Variants in CLDN16 observed in about 807,000 individuals in gnomAD.
The protein encoded by CLDN16 is claudin-16.
A neutral mutation model predicts 24.6 loss-of-function variants in CLDN16; 13 were observed. The ratio of observed to expected loss-of-function variants is 0.53; its 90% confidence interval spans 0.34 to 0.84. The LOEUF is 0.84. Ranked by LOEUF, CLDN16 falls within the 40% of genes least tolerant of loss-of-function variation. CLDN16 has a pLI of 0.01. For missense variants in CLDN16, 298 were observed against 292.7 expected, an observed-to-expected ratio of 1.02 and a Z score of -0.13; for synonymous variants, 116 against 106.7, an observed-to-expected ratio of 1.09 and a Z score of -0.54.
intron 1 of CLDN16, among the ~76,000 whole-genome samples, chr3:190,329,662 G>C (rs1717141543): frequency 6.6e-6 from 1 of 152,130 alleles, no homozygotes; most frequent in African/African-American, 2.4e-5. Flanking sequence ...CATTAGTTTT[G>C]ATTAATATGC....
the CLDN16 span, among the ~76,000 whole-genome samples, chr3:190,291,136 TA>T: frequency 6.6e-6 from 1 of 152,098 alleles, no homozygotes; most frequent in South Asian, 2.1e-4. Flanking sequence ...ACAGCAAATG[TA>T]AATGGCCTGC....
intron 1 of CLDN16, among the ~76,000 whole-genome samples, chr3:190,327,973 G>A (rs935012107): frequency 9.2e-5 from 14 of 152,120 alleles, no homozygotes; most frequent in Admixed American, 6.6e-4. Flanking sequence ...GAAATAAGTA[G>A]CAATGCGATG....
At chr3:190,314,546 C>A in the CLDN16 span, among the ~76,000 whole-genome samples, 1 of 149,104 alleles carries the variant, frequency 6.7e-6, no homozygotes, top group African/African-American at 2.5e-5. Flanking sequence ...AGGCACGAAC[C>A]ACCATGCCTG....
At chr3:190,294,855 G>T in the CLDN16 span, among the ~76,000 whole-genome samples, 1 of 152,024 alleles carries the variant, frequency 6.6e-6, no homozygotes, top group African/African-American at 2.4e-5. Flanking sequence ...AACTCAGTAA[G>T]AAAGTAATAA....
chr3:190,388,021 G>GGT, upstream of CLDN16: 2 of 1,142,130 alleles, frequency 1.8e-6, no homozygotes, highest in South Asian at 1.3e-5. Flanking sequence ...GCCCACAGTT[G>GGT]GGTCAGAAAA....
upstream of CLDN16, among the ~76,000 whole-genome samples, chr3:190,384,144 C>T (rs1718431746): frequency 6.6e-6 from 1 of 152,094 alleles, no homozygotes; most frequent in African/African-American, 2.4e-5. Flanking sequence ...CTAGCATGGC[C>T]TTTCAGAACA....
chr3:190,390,936 T>A (rs1718639630), intron 1 of CLDN16, among the ~76,000 whole-genome samples: 1 of 152,014 alleles, frequency 6.6e-6, no homozygotes. Flanking sequence ...CAGGTGCATG[T>A]CCCCACAACT....
intron 1 of CLDN16, among the ~76,000 whole-genome samples, chr3:190,361,632 G>A (rs1420035374): frequency 6.6e-6 from 1 of 151,956 alleles, no homozygotes; most frequent in Non-Finnish European, 1.5e-5. Flanking sequence ...TGATACAAGA[G>A]GTAGATAGAA....
upstream of CLDN16, chr3:190,387,973 C>T (rs913694911): frequency 2.2e-5 from 16 of 726,970 alleles, no homozygotes; most frequent in Admixed American, 1.3e-4. Context: ...CTCCTTCCCC[C>T]GTCTTGGCAC....
At chr3:190,356,979 T>G (rs1211613942) in intron 1 of CLDN16, among the ~76,000 whole-genome samples, 1 of 151,970 alleles carries the variant, frequency 6.6e-6, no homozygotes, top group Non-Finnish European at 1.5e-5. Flanking sequence ...CCTTGCATTT[T>G]ACATTCTCAA....
At chr3:190,317,490 T>G in the CLDN16 span, among the ~76,000 whole-genome samples, 1 of 152,320 alleles carries the variant, frequency 6.6e-6, no homozygotes, top group Admixed American at 6.5e-5. Flanking sequence ...ACACTTAGGT[T>G]AATCAACAAA....
intron 2 of CLDN16, among the ~76,000 whole-genome samples, chr3:190,373,357 C>T (rs1718181282): frequency 6.6e-6 from 1 of 151,940 alleles, no homozygotes; most frequent in Non-Finnish European, 1.5e-5. Context: ...CACCTACGAC[C>T]ACAGCAGCAT....
the CLDN16 span, among the ~76,000 whole-genome samples, chr3:190,300,943 A>G: frequency 1.8e-4 from 28 of 152,208 alleles, no homozygotes; most frequent in African/African-American, 6.8e-4. Flanking sequence ...AATTTGAGAG[A>G]GAATAAAAGA....
chr3:190,390,804 T>A (rs893725389), intron 1 of CLDN16, among the ~76,000 whole-genome samples: 1 of 152,142 alleles, frequency 6.6e-6, no homozygotes, highest in African/African-American at 2.4e-5. Flanking sequence ...TATTTTTTTA[T>A]AGATTTGGTC....
intron 1 of CLDN16, among the ~76,000 whole-genome samples, chr3:190,338,022 G>T (rs564228854): frequency 9.1e-4 from 139 of 152,282 alleles, no homozygotes; most frequent in Non-Finnish European, 1.7e-3. Flanking sequence ...ACTTCAGAAA[G>T]ATGTACATTC....
chr3:190,297,862 C>G, the CLDN16 span, among the ~76,000 whole-genome samples: 1 of 150,110 alleles, frequency 6.7e-6, no homozygotes, highest in African/African-American at 2.4e-5. Flanking sequence ...CACTGAAACT[C>G]TGTGAGTTAA....
chr3:190,397,903 T>A (rs1375170824), intron 1 of CLDN16, among the ~76,000 whole-genome samples: 2 of 152,236 alleles, frequency 1.3e-5, no homozygotes, highest in Non-Finnish European at 2.9e-5. Flanking sequence ...AATACTCTTA[T>A]TTGTGTAAAA....
intron 1 of CLDN16, among the ~76,000 whole-genome samples, chr3:190,399,207 A>T (rs1200402430): frequency 6.6e-6 from 1 of 152,136 alleles, no homozygotes; most frequent in Non-Finnish European, 1.5e-5. Flanking sequence ...AATTCTTTTT[A>T]AAAAAATGTT....
intron 1 of CLDN16, among the ~76,000 whole-genome samples, chr3:190,393,593 T>G (rs1448353662): frequency 6.6e-6 from 1 of 152,158 alleles, no homozygotes; most frequent in Non-Finnish European, 1.5e-5. Flanking sequence ...ATTGTCTATT[T>G]GCAGTTTATT....
Sources: gnomAD v4.1 joint callset for allele counts (sites outside exome capture counted in the v4.1 genomes callset) on GRCh38, gnomAD v4.1.1 for gene constraint, MANE v1.5 for transcripts, NCBI Gene and HGNC (gene_info 2026-07-23, HGNC 2026-07-21) for gene names.